ULK4: variants seen among roughly 807,000 people sequenced by gnomAD.
The protein encoded by ULK4 is inactive serine/threonine-protein kinase ULK4.
In ULK4, 133 loss-of-function variants were observed where a neutral mutation model predicts 160.6. That is an observed-to-expected ratio of 0.83 (90% CI 0.72 to 0.96). The LOEUF is 0.96. Ranked by LOEUF, ULK4 falls within the 40% of genes least tolerant of loss-of-function variation. ULK4 has a pLI of 0.00. For missense variants in ULK4, 1,580 were observed against 1,499.5 expected (o/e 1.05, Z -0.89); for synonymous variants, 534 against 539.8 (o/e 0.99, Z 0.15).
intron 25 of ULK4, among the ~76,000 whole-genome samples, chr3:41,710,335 T>C (rs1445772606): frequency 1.3e-5 from 2 of 152,112 alleles, no homozygotes; most frequent in African/African-American, 4.8e-5. Flanking sequence ...GACGGGGTAG[T>C]AGGCATTGGA....
chr3:41,835,797 T>C (rs2041736327), intron 18 of ULK4, 67 bp downstream of exon 18: 3 of 1,247,154 alleles, frequency 2.4e-6, no homozygotes, highest in Middle Eastern at 1.9e-4. Context: ...TATAGGATAT[T>C]AATACTTGTC....
chr3:41,932,022 A>T lies in ULK4; in HGVS notation c.379-16T>A. 6.2e-7 allele frequency: 1 copy of T among 1,603,658 alleles called. No individual in the cohort carries two copies. ...CCAAGAGTATCTATGAAGATCAAAT[A>T]AATGTTTTCAGAAAAAAAATCAACT... On this transcript the variant is annotated splice_polypyrimidine_tract_variant and intron_variant, in intron 4 of 36. Transcript: ENST00000301831.
chr3:41,402,279 T>C (rs1435118606), intron 34 of ULK4, among the ~76,000 whole-genome samples: 2 of 152,208 alleles, frequency 1.3e-5, no homozygotes, highest in Non-Finnish European at 2.9e-5. Flanking sequence ...ATTTTCTACA[T>C]AGATAATTGT....
intron 21 of ULK4, among the ~76,000 whole-genome samples, chr3:41,771,677 C>T (rs897941156): frequency 4.6e-5 from 7 of 152,040 alleles, no homozygotes; most frequent in Admixed American, 4.6e-4. Context: ...CTACCACCAC[C>T]ACACACACAA....
At chr3:41,473,661 CAAAGAAAAAAAAAA>C (rs2084055091) in intron 32 of ULK4, among the ~76,000 whole-genome samples, 1 of 25,296 alleles carries the variant, frequency 4.0e-5, no homozygotes, top group Admixed American at 4.1e-4. Flanking sequence ...GATTCTGTCT[CAAAGAAAAAAAAAA>C]AAAAAAAAAG....
intron 31 of ULK4, among the ~76,000 whole-genome samples, chr3:41,600,745 G>T (rs1190251380): frequency 1.3e-5 from 2 of 152,146 alleles, no homozygotes; most frequent in African/African-American, 4.8e-5. Context: ...ACAGTAAACC[G>T]TGAGCTCACC....
chr3:41,956,215 A>G (rs1700478675), intron 1 of ULK4, among the ~76,000 whole-genome samples: 1 of 152,158 alleles, frequency 6.6e-6, no homozygotes, highest in African/African-American at 2.4e-5. Flanking sequence ...GAATGAATGA[A>G]TGAATGAAAT....
At position 41,506,793 on chromosome 3, in the gene ULK4, T is replaced by A. The variant is rs1323009206; in HGVS notation, c.3227-43540A>T. On this transcript the variant is annotated intron_variant, in intron 32 of 36. Coordinates refer to ENST00000301831, the MANE Select transcript of ULK4 (RefSeq NM_017886.4). ...ATATATATATATATATATATATATA[T>A]ATATATATATATATGAACATGTTTT... Among the ~76,000 whole-genome samples the A allele has an allele frequency of 1.4e-3, 110 of 79,898 alleles. 10 individuals carry two copies. Among genetic ancestry groups the A allele is most frequent in the Non-Finnish European group, 2.4e-3 (87 of 36,690 alleles). The allele number at this position is 79,898 out of a possible 152,430, so 52.4% of individuals were successfully genotyped here. A position where few individuals can be genotyped will look rare whatever the true frequency, so the allele number is the denominator to read the frequency against.
intron 27 of ULK4, among the ~76,000 whole-genome samples, chr3:41,690,009 C>G (rs1559487131): frequency 1.3e-5 from 2 of 148,522 alleles, no homozygotes; most frequent in East Asian, 3.9e-4. Flanking sequence ...TACTGCGGCA[C>G]TATTCACAAT....
At chr3:41,651,365 A>T (rs1024817390) in intron 30 of ULK4, among the ~76,000 whole-genome samples, 1 of 151,298 alleles carries the variant, frequency 6.6e-6, no homozygotes, top group Admixed American at 6.6e-5. Context: ...ACCTCATAAA[A>T]CTCTCCATTC....
At chr3:41,800,997 A>G (rs1242908367) in intron 19 of ULK4, among the ~76,000 whole-genome samples, 1 of 152,216 alleles carries the variant, frequency 6.6e-6, no homozygotes, top group Non-Finnish European at 1.5e-5. Flanking sequence ...ACTGCCAAGC[A>G]AGCAAAGAAG....
intron 35 of ULK4, among the ~76,000 whole-genome samples, chr3:41,384,864 C>A (rs959496715): frequency 6.6e-6 from 1 of 152,076 alleles, no homozygotes; most frequent in Non-Finnish European, 1.5e-5. Flanking sequence ...GGATTACAGG[C>A]GTGAGCCACT....
intron 35 of ULK4, among the ~76,000 whole-genome samples, chr3:41,359,008 T>C (rs1463543978): frequency 1.3e-5 from 2 of 152,104 alleles, no homozygotes; most frequent in East Asian, 1.9e-4. Flanking sequence ...AATGGGTTGG[T>C]AAACGGGGTG....
chr3:41,906,045 G>A (rs1159922955), intron 12 of ULK4, among the ~76,000 whole-genome samples: 2 of 151,736 alleles, frequency 1.3e-5, no homozygotes, highest in Admixed American at 6.6e-5. Flanking sequence ...GTGAAACCCC[G>A]TCTGCACTAA....
chr3:41,883,305 C>T (rs1697589649), intron 17 of ULK4, among the ~76,000 whole-genome samples: 1 of 152,194 alleles, frequency 6.6e-6, no homozygotes, highest in African/African-American at 2.4e-5. Flanking sequence ...TTCAACTCTA[C>T]AAAATCCCCT....
At chr3:41,558,547 T>C (rs2087398925) in intron 32 of ULK4, among the ~76,000 whole-genome samples, 1 of 151,634 alleles carries the variant, frequency 6.6e-6, no homozygotes, top group African/African-American at 2.4e-5. Flanking sequence ...CTACTAAATA[T>C]ACAAAAATTA....
At chr3:41,505,026 C>T (rs571442230) in intron 32 of ULK4, among the ~76,000 whole-genome samples, 12 of 152,106 alleles carry the variant, frequency 7.9e-5, no homozygotes, top group Non-Finnish European at 1.8e-4. Flanking sequence ...TAGGTGTGCA[C>T]GGTCACACTG....
At chr3:41,609,122 A>C (rs2032539142) in intron 31 of ULK4, among the ~76,000 whole-genome samples, 1 of 152,176 alleles carries the variant, frequency 6.6e-6, no homozygotes, top group African/African-American at 2.4e-5. Flanking sequence ...CTGGCCACAG[A>C]TATACTAAGC....
chr3:41,367,692 A>G (rs2081278378), intron 35 of ULK4, among the ~76,000 whole-genome samples: 1 of 152,302 alleles, frequency 6.6e-6, no homozygotes, highest in East Asian at 1.9e-4. Context: ...TTAGGCATCT[A>G]TTATTGATAA....
Sources: gnomAD v4.1 joint callset for allele counts (sites outside exome capture counted in the v4.1 genomes callset) on GRCh38, gnomAD v4.1.1 for gene constraint, MANE v1.5 for transcripts, NCBI Gene and HGNC (gene_info 2026-07-23, HGNC 2026-07-21) for gene names.